The following ANGPTL6 variants were observed in gnomAD, a reference collection of about 807,000 sequenced individuals.
ANGPTL6 encodes the protein angiopoietin like 6.
A neutral mutation model predicts 47.4 loss-of-function variants in ANGPTL6; 45 were observed. That is an observed-to-expected ratio of 0.95 (90% confidence interval 0.75 to 1.22). ANGPTL6 has a LOEUF of 1.22. Ranked by LOEUF, ANGPTL6 falls within the 50% of genes most tolerant of loss-of-function variation. The pLI is 0.00. For synonymous variants in ANGPTL6, 290 were observed against 295.9 expected, an observed-to-expected ratio of 0.98 and a Z score of 0.20; for missense variants, 698 against 669.4, an observed-to-expected ratio of 1.04 and a Z score of -0.47.
In ANGPTL6 at chr19:10,092,691, G is replaced by A; in HGVS notation, c.1311C>T (p.His437=). The A allele has an allele frequency of 6.2e-7, 1 of 1,614,068 alleles. No homozygotes were observed. Among genetic ancestry groups the A allele is most frequent in the Non-Finnish European group, 8.5e-7 (1 of 1,179,932 alleles). The change falls in exon 6 of 6, where the codon CAC becomes CAT. Residue 437 remains histidine, a synonymous_variant. Coordinates refer to ENST00000253109, the MANE Select transcript of ANGPTL6 (RefSeq NM_031917.3). ...CACCATCCTGGTAGCGGCTTCGGTA[G>A]TGGCCGCCGTGGTGCCACACACCGT... ...NLNGVWHHGG[H]YRSRYQDGVY...
chr19:10,103,912 G>C (rs1174400884), upstream of ANGPTL6, among the ~76,000 whole-genome samples: 5 of 151,200 alleles, frequency 3.3e-5, no homozygotes, highest in African/African-American at 1.2e-4. Context: ...GGCCAAGATG[G>C]TGAAACCCCG....
chr19:10,105,176 C>T (rs1393139163), upstream of ANGPTL6, among the ~76,000 whole-genome samples: 1 of 152,230 alleles, frequency 6.6e-6, no homozygotes, highest in Non-Finnish European at 1.5e-5. Flanking sequence ...AGGAAATGGT[C>T]GTCCCAGATC....
Position 10,092,569 on chromosome 19 carries a change from G to A in ANGPTL6, c.*20C>T, listed in dbSNP as rs1187939470. The A allele has an allele frequency of 1.3e-6, 2 of 1,587,920 alleles. No homozygotes were observed. Among genetic ancestry groups the A allele is most frequent in the Non-Finnish European group, 1.7e-6 (2 of 1,163,202 alleles). On this transcript the variant is annotated 3_prime_UTR_variant, in exon 6 of 6. Transcript: ENST00000253109. ...GCTGACCAATGTCCTCTAGGGCCTA[G>A]GGGACAGAGGAACACAGAGTCACAG...
chr19:10,095,060 G>A, intron 2 of ANGPTL6, 122 bp from the exon 3 acceptor site: 3 of 1,051,494 alleles, frequency 2.9e-6, no homozygotes, highest in South Asian at 1.7e-5. Context: ...TCTGGCAGTG[G>A]GGGTGTCCCA....
At chr19:10,103,619 A>G (rs2088735306), upstream of ANGPTL6, among the ~76,000 whole-genome samples, 1 of 26,046 alleles carries the variant, frequency 3.8e-5, no homozygotes, top group South Asian at 7.6e-4. Context: ...AAATAAATAA[A>G]TAAATAATAA....
In ANGPTL6 at chr19:10,093,622, G is replaced by A. The variant is rs556647150; in HGVS notation, c.952-3C>T. On this transcript the variant is annotated splice_polypyrimidine_tract_variant and splice_region_variant and intron_variant, in intron 4 of 5. Transcript: ENST00000253109. ...CCGTCTGGCCGCCCAAAGCCCGCCT[G>A]GCAGGGCAGGAAAGTCAGGAAGCCA... The A allele has an allele frequency of 8.7e-6, 14 of 1,613,280 alleles. No individual in the cohort carries two copies. In the South Asian group the frequency reaches 1.2e-4, roughly 14 times the overall value.
Position 10,096,520 on chromosome 19 carries a change from A to T in ANGPTL6, c.44T>A (p.Leu15Gln). 1.3e-6 allele frequency: 2 copies of T among 1,514,852 alleles called. No individual in the cohort carries two copies. The highest frequency in any genetic ancestry group is 1.8e-6 in the Non-Finnish European group (2 of 1,138,210). 93.8% of individuals were successfully genotyped at this position (1,514,852 alleles called of 1,614,324 possible). Residue 15 changes from leucine (L) to glutamine (Q), a missense_variant, in exon 2 of 6, where the codon CTG (leucine) becomes CAG (glutamine). Physicochemically the swap from Leu to Gln is moderately radical, Grantham distance 113 (BLOSUM62 -2). Transcript: ENST00000253109. ...GCCCGCCCGCGCCCACGACGCGCCC[A>T]GCAGGAGCAGCAGCTGTAGCGCACG... ...WLRALQLLLLLGASWARAGAP... is the reference protein window; with the variant it reads ...WLRALQLLLLQGASWARAGAP...
In ANGPTL6 at chr19:10,096,281, C is replaced by A; in HGVS notation, c.283G>T (p.Ala95Ser). ...ADGAVAGEVR[A>S]LRKESRGLSA... Reference sequence around the variant, plus strand: ...AGGCCGCGGCTCTCCTTGCGCAGCGCGCGCACCTCGCCGGCCACGGCGCCG... The same window carrying A: ...AGGCCGCGGCTCTCCTTGCGCAGCGAGCGCACCTCGCCGGCCACGGCGCCG... The change falls in exon 2 of 6, where the codon GCG (alanine) becomes TCG (serine). Residue 95 changes from alanine to serine, a missense_variant. Coordinates refer to ENST00000253109, the MANE Select transcript of ANGPTL6 (RefSeq NM_031917.3). 8.2e-7 allele frequency: 1 copy of A among 1,213,308 alleles called. No individual in the cohort carries two copies. Among genetic ancestry groups the A allele is most frequent in the Non-Finnish European group, 1.0e-6 (1 of 978,032 alleles). The allele number at this position is 1,213,308 out of a possible 1,614,324, so 75.2% of individuals were successfully genotyped here.
chr19:10,096,354 G>A lies in ANGPTL6; in HGVS notation c.210C>T (p.Gly70=), dbSNP rs1277006476. 1 of 1,286,694 alleles carries A rather than the reference G, an allele frequency of 7.8e-7. No homozygotes were observed. The highest frequency in any genetic ancestry group is 2.6e-5 in the South Asian group (1 of 39,208). The allele number at this position is 1,286,694 out of a possible 1,614,324, so 79.7% of individuals were successfully genotyped here. A position where few individuals can be genotyped will look rare whatever the true frequency, so the allele number is the denominator to read the frequency against. The part of the protein sequence containing the change: ...SELAALRMRV[G]RHEELLRELQ... ...GCTCGCGTAACAGCTCCTCGTGGCG[G>A]CCGACGCGCATGCGCAGCGCCGCCA... The change falls in exon 2 of 6, where the codon GGC becomes GGT. Residue 70 remains glycine, a synonymous_variant. Transcript: ENST00000253109.
intron 5 of ANGPTL6, 25 bp downstream of exon 5, chr19:10,093,324 T>C (rs2088441402): frequency 6.2e-7 from 1 of 1,600,558 alleles, no homozygotes; most frequent in Non-Finnish European, 8.5e-7. Flanking sequence ...CCCTATCCTC[T>C]CACCAGAATA....
upstream of ANGPTL6, among the ~76,000 whole-genome samples, chr19:10,103,960 GCCCA>G (rs2088750067): frequency 1.3e-5 from 2 of 151,418 alleles, no homozygotes; most frequent in Admixed American, 6.6e-5. Flanking sequence ...GGGTGTGGTG[GCCCA>G]TGCCTGTAAT....
chr19:10,103,449 G>A (rs149211467), upstream of ANGPTL6, among the ~76,000 whole-genome samples: 1,708 of 151,592 alleles, frequency 0.011, 42 homozygotes, highest in Non-Finnish European at 0.018. Flanking sequence ...AATTAGCTGG[G>A]CATGGTGGCA....
intron 1 of ANGPTL6, among the ~76,000 whole-genome samples, chr19:10,101,893 C>T (rs1360887867): frequency 1.4e-5 from 2 of 141,160 alleles, no homozygotes; most frequent in African/African-American, 5.3e-5. Flanking sequence ...ATCACGGGGT[C>T]AGGAGATCGA....
intron 1 of ANGPTL6, 145 bp from the exon 2 acceptor site, chr19:10,096,718 A>C (rs2088555010): frequency 3.4e-6 from 2 of 590,332 alleles, no homozygotes; most frequent in Non-Finnish European, 2.8e-6. Context: ...CCACGGCTGG[A>C]GGGCCCCAGG....
chr19:10,103,388 G>C (rs893680205), upstream of ANGPTL6, among the ~76,000 whole-genome samples: 13 of 151,610 alleles, frequency 8.6e-5, no homozygotes, highest in Non-Finnish European at 1.5e-4. Context: ...TCAGGAGTTC[G>C]AAACCATCCT....
At chr19:10,093,272 C>T in intron 5 of ANGPTL6, 77 bp downstream of exon 5, 2 of 1,539,536 alleles carry the variant, frequency 1.3e-6, no homozygotes, top group Non-Finnish European at 1.8e-6. Flanking sequence ...CTTACCTACC[C>T]TACCTCCTTT....
upstream of ANGPTL6, among the ~76,000 whole-genome samples, chr19:10,103,207 C>A (rs1434263516): frequency 6.6e-6 from 1 of 151,736 alleles, no homozygotes; most frequent in Non-Finnish European, 1.5e-5. Context: ...GAAACTCACA[C>A]ATGTACACCA....
chr19:10,099,040 C>A (rs1271793427), intron 1 of ANGPTL6, among the ~76,000 whole-genome samples: 4 of 152,124 alleles, frequency 2.6e-5, no homozygotes, highest in Non-Finnish European at 5.9e-5. Context: ...CTCCACGTCT[C>A]CGCTACTCCC....
At chr19:10,102,327 A>C (rs1204264883) in intron 1 of ANGPTL6, among the ~76,000 whole-genome samples, 3 of 151,362 alleles carry the variant, frequency 2.0e-5, no homozygotes, top group Non-Finnish European at 4.4e-5. Context: ...CTCAGACACC[A>C]AGCAGGGGCT....
Sources: allele counts gnomAD v4.1 joint callset (sites outside exome capture counted in the v4.1 genomes callset), GRCh38; gene constraint gnomAD v4.1.1; transcripts MANE v1.5; gene names NCBI Gene and HGNC (gene_info 2026-07-23, HGNC 2026-07-21).